Variants in OSBPL10 observed in about 807,000 individuals in gnomAD.
The protein encoded by OSBPL10 is oxysterol binding protein like 10, also known as oxysterol-binding protein-related protein 10.
OSBPL10 carries 49 observed loss-of-function variants against 81.7 expected under a neutral mutation model. The observed-to-expected ratio is 0.60, with a 90% CI of 0.48 to 0.76. The LOEUF (loss-of-function observed/expected upper bound fraction) is 0.76. Among genes scored for constraint, OSBPL10 ranks in the 30% least tolerant of loss-of-function variants. The pLI is 0.00. For synonymous variants in OSBPL10, 419 were observed against 383.6 expected (o/e 1.09, Z -1.08); for missense variants, 923 against 987.8 (o/e 0.93, Z 0.88).
chr3:31,966,223 G>A (rs1467345606), intron 1 of OSBPL10, among the ~76,000 whole-genome samples: 2 of 147,540 alleles, frequency 1.4e-5, no homozygotes, highest in South Asian at 2.1e-4. Context: ...TTCATGGGAC[G>A]AAAATAAAGT....
At chr3:31,779,908 T>C (rs1351531655) in intron 4 of OSBPL10, among the ~76,000 whole-genome samples, 2 of 152,190 alleles carry the variant, frequency 1.3e-5, no homozygotes, top group East Asian at 1.9e-4. Context: ...CCCTCAAGAA[T>C]ATACAAATAC....
At chr3:32,056,079 A>G (rs1371417993) in intron 1 of OSBPL10, among the ~76,000 whole-genome samples, 1 of 152,246 alleles carries the variant, frequency 6.6e-6, no homozygotes, top group Non-Finnish European at 1.5e-5. Context: ...ATCAAAGCTT[A>G]TTTTGTAAAC....
At chr3:31,744,707 G>A (rs576607737) in intron 5 of OSBPL10, among the ~76,000 whole-genome samples, 10 of 151,076 alleles carry the variant, frequency 6.6e-5, no homozygotes, top group East Asian at 2.0e-4. Context: ...ATTTCAACCC[G>A]TCACCACCTC....
At chr3:31,728,149 T>G (rs1024522134) in intron 6 of OSBPL10, among the ~76,000 whole-genome samples, 1 of 152,268 alleles carries the variant, frequency 6.6e-6, no homozygotes, top group South Asian at 2.1e-4. Context: ...TATGCTGATA[T>G]AGTACTCAGT....
At chr3:31,696,244 A>G (rs1024666695) in intron 7 of OSBPL10, among the ~76,000 whole-genome samples, 2 of 151,958 alleles carry the variant, frequency 1.3e-5, no homozygotes, top group Non-Finnish European at 2.9e-5. Context: ...ACCTCCTCAA[A>G]TTCCTGCACT....
At chr3:31,932,431 CAATAT>C (rs1210346074) in intron 1 of OSBPL10, among the ~76,000 whole-genome samples, 9 of 152,118 alleles carry the variant, frequency 5.9e-5, no homozygotes, top group East Asian at 1.9e-4. Flanking sequence ...CTTGTTCTAA[CAATAT>C]AATAAATAAA....
At chr3:31,671,677 C>A (rs1177781861) in intron 8 of OSBPL10, among the ~76,000 whole-genome samples, 1 of 152,210 alleles carries the variant, frequency 6.6e-6, no homozygotes, top group Non-Finnish European at 1.5e-5. Context: ...TGCCCACGCA[C>A]TTCCAGAGAA....
chr3:31,889,997 A>G (rs1216295191), intron 1 of OSBPL10, among the ~76,000 whole-genome samples: 1 of 152,016 alleles, frequency 6.6e-6, no homozygotes, highest in Non-Finnish European at 1.5e-5. Flanking sequence ...CTTCTCAATC[A>G]GTTGAAAAGC....
At chr3:32,003,700 T>C (rs1699175849) in intron 2 of OSBPL10, among the ~76,000 whole-genome samples, 1 of 152,178 alleles carries the variant, frequency 6.6e-6, no homozygotes. Flanking sequence ...AAGGATTTAA[T>C]TGGTCCAGGT....
chr3:31,663,339 G>T (rs1700111896), intron 11 of OSBPL10: 5 of 985,450 alleles, frequency 5.1e-6, no homozygotes, highest in African/African-American at 1.7e-5. Context: ...ATCTGCCCCA[G>T]CCCTCACCGG....
intron 6 of OSBPL10, chr3:31,714,109 G>A (rs1181548559): frequency 6.6e-6 from 1 of 152,220 alleles, no homozygotes; most frequent in Non-Finnish European, 1.5e-5. Flanking sequence ...CACACAGAGG[G>A]GATGGGGCAC....
At chr3:32,027,784 G>C (rs565225288) in intron 2 of OSBPL10, among the ~76,000 whole-genome samples, 1 of 152,150 alleles carries the variant, frequency 6.6e-6, no homozygotes, top group Non-Finnish European at 1.5e-5. Context: ...GCACATCACT[G>C]TGCCCAGGTT....
chr3:31,812,310 G>C (rs1328799123), intron 4 of OSBPL10, among the ~76,000 whole-genome samples: 1 of 152,350 alleles, frequency 6.6e-6, no homozygotes, highest in Non-Finnish European at 1.5e-5. Flanking sequence ...GGGATTACAG[G>C]CGTAAGCCAC....
chr3:31,951,832 T>G (rs920760245), intron 1 of OSBPL10, among the ~76,000 whole-genome samples: 1 of 152,060 alleles, frequency 6.6e-6, no homozygotes, highest in Admixed American at 6.5e-5. Context: ...TAAGTGAAAG[T>G]GACAAACTAA....
intron 2 of OSBPL10, chr3:31,990,795 C>G: frequency 2.5e-6 from 4 of 1,610,142 alleles, no homozygotes; most frequent in Non-Finnish European, 3.4e-6. Context: ...ATGATTTTGA[C>G]GAGGCCTTCA....
At chr3:32,039,581 C>T (rs1699551709) in intron 2 of OSBPL10, among the ~76,000 whole-genome samples, 1 of 151,736 alleles carries the variant, frequency 6.6e-6, no homozygotes. Context: ...ATCGCTTGAA[C>T]CTGGGAGGCA....
At chr3:31,798,774 C>T (rs1575552184) in intron 4 of OSBPL10, among the ~76,000 whole-genome samples, 2 of 152,244 alleles carry the variant, frequency 1.3e-5, no homozygotes, top group African/African-American at 4.8e-5. Context: ...TGGTGGAAAA[C>T]AGGCTTCTTC....
chr3:31,925,396 T>G (rs1697043687), intron 1 of OSBPL10, among the ~76,000 whole-genome samples: 1 of 151,844 alleles, frequency 6.6e-6, no homozygotes, highest in Non-Finnish European at 1.5e-5. Flanking sequence ...ATAAGACAAC[T>G]CACTGCACCT....
chr3:31,878,121 G>A (rs1047150740), intron 2 of OSBPL10, among the ~76,000 whole-genome samples: 3 of 152,038 alleles, frequency 2.0e-5, no homozygotes, highest in African/African-American at 7.2e-5. Flanking sequence ...ATTATTCCAT[G>A]CAGATCATAA....
Sources: gnomAD v4.1 joint callset for allele counts (sites outside exome capture counted in the v4.1 genomes callset) on GRCh38, gnomAD v4.1.1 for gene constraint, MANE v1.5 for transcripts, NCBI Gene and HGNC (gene_info 2026-07-23, HGNC 2026-07-21) for gene names.